Variants in NUBPL observed in about 807,000 individuals in gnomAD.
NUBPL encodes the protein iron-sulfur cluster transfer protein NUBPL.
In NUBPL, 31 loss-of-function variants were observed where a neutral mutation model predicts 45.7. That is an observed-to-expected ratio of 0.68 (90% confidence interval 0.51 to 0.92). The LOEUF is 0.92. Ranked by LOEUF, NUBPL falls within the 40% of genes least tolerant of loss-of-function variation. The pLI, the probability that NUBPL is intolerant of heterozygous loss-of-function variation, is 0.00. For missense variants in NUBPL, 401 were observed against 398.7 expected, an observed-to-expected ratio of 1.01 and a Z score of -0.05; for synonymous variants, 144 against 140.9, an observed-to-expected ratio of 1.02 and a Z score of -0.15.
At chr14:31,734,845 T>G (rs1486752209) in intron 6 of NUBPL, among the ~76,000 whole-genome samples, 1 of 152,208 alleles carries the variant, frequency 6.6e-6, no homozygotes, top group African/African-American at 2.4e-5. Context: ...CTACTCCTCT[T>G]CTGTGAATCC....
Position 31,826,672 on chromosome 14 carries a change from T to A in NUBPL, c.651T>A (p.Asp217Glu), listed in dbSNP as rs1330997782. 1.2e-6 allele frequency: 2 copies of A among 1,614,180 alleles called. No individual in the cohort carries two copies. Among genetic ancestry groups the A allele is most frequent in the South Asian group, 2.2e-5 (2 of 91,084 alleles). Residue 217 changes from aspartate (D) to glutamate (E), a missense_variant, in exon 8 of 11, where the codon GAT becomes GAA. By Grantham distance (45) the Asp-to-Glu change is conservative. Coordinates refer to ENST00000281081, the MANE Select transcript of NUBPL (RefSeq NM_025152.3). The part of the protein sequence containing the change: ...VSTPQDIALM[D>E]AHKGAEMFRR... ...CGCCCCAGGACATCGCATTGATGGA[T>A]GCACACAAGGGTGCTGAGATGTTTC...
At chr14:31,652,830 G>T (rs1396599326) in intron 4 of NUBPL, among the ~76,000 whole-genome samples, 1 of 152,144 alleles carries the variant, frequency 6.6e-6, no homozygotes, top group African/African-American at 2.4e-5. Flanking sequence ...TAGTGATTGT[G>T]TATCGGGGGA....
intron 4 of NUBPL, among the ~76,000 whole-genome samples, chr14:31,670,302 T>TC (rs1394247987): frequency 6.6e-6 from 1 of 152,122 alleles, no homozygotes; most frequent in Admixed American, 6.5e-5. Flanking sequence ...TCTTTTCATG[T>TC]CCTTTGCCCA....
At chr14:31,802,144 A>C (rs2039602814) in intron 7 of NUBPL, among the ~76,000 whole-genome samples, 1 of 152,234 alleles carries the variant, frequency 6.6e-6, no homozygotes. Flanking sequence ...GGAATGAGTT[A>C]ATTCTCAAGG....
intron 7 of NUBPL, among the ~76,000 whole-genome samples, chr14:31,793,951 A>T (rs1243886283): frequency 1.1e-5 from 1 of 94,934 alleles, no homozygotes; most frequent in Non-Finnish European, 1.9e-5. Flanking sequence ...TCATTGTTCA[A>T]TTCCCACCTA....
At chr14:31,803,919 C>T (rs556680507) in intron 7 of NUBPL, among the ~76,000 whole-genome samples, 1 of 152,014 alleles carries the variant, frequency 6.6e-6, no homozygotes, top group African/African-American at 2.4e-5. Context: ...TTTTCTTTTC[C>T]TCCTTCCTTT....
At chr14:31,607,114 CT>C (rs2034621553) in intron 4 of NUBPL, among the ~76,000 whole-genome samples, 2 of 152,162 alleles carry the variant, frequency 1.3e-5, no homozygotes, top group South Asian at 4.1e-4. Context: ...GGCACAGTGG[CT>C]CACGACTGTA....
chr14:31,655,741 G>A (rs1223099765), intron 4 of NUBPL, among the ~76,000 whole-genome samples: 3 of 152,144 alleles, frequency 2.0e-5, no homozygotes, highest in Admixed American at 1.3e-4. Flanking sequence ...GCCATGCTGT[G>A]CTGTCAGCCA....
intron 3 of NUBPL, among the ~76,000 whole-genome samples, chr14:31,594,556 A>ATT (rs67341071): frequency 1.7e-4 from 25 of 150,066 alleles, no homozygotes; most frequent in East Asian, 1.2e-3. Flanking sequence ...TAGCCAGGTG[A>ATT]TTTTTTTTTT....
intron 7 of NUBPL, among the ~76,000 whole-genome samples, chr14:31,812,505 G>C (rs1229263311): frequency 6.6e-6 from 1 of 152,202 alleles, no homozygotes; most frequent in African/African-American, 2.4e-5. Context: ...ACAGTGTTTA[G>C]GTGGCAGTGT....
chr14:31,680,781 C>T (rs1433414363), intron 6 of NUBPL, among the ~76,000 whole-genome samples: 2 of 152,006 alleles, frequency 1.3e-5, no homozygotes, highest in Non-Finnish European at 2.9e-5. Flanking sequence ...AGTTATTATA[C>T]TGAATTGTTT....
At position 31,850,162 on chromosome 14, in the gene NUBPL, A is replaced by C; in HGVS notation, c.858A>C (p.Thr286=). 1 of 1,613,954 alleles carries C rather than the reference A, an allele frequency of 6.2e-7. No individual in the cohort carries two copies. Among genetic ancestry groups the C allele is most frequent in the Non-Finnish European group, 8.5e-7 (1 of 1,179,894 alleles). Residue 286 remains threonine, a synonymous_variant, in exon 10 of 11, where the codon ACA becomes ACC. Transcript: ENST00000281081. ...LHLNIREASD[T]GQPIVFSQPE... ...TTAATATAAGGGAAGCTTCAGATACAGGCCAGCCAATTGTGTTTTCACAGC... is the reference window on the plus strand; with the variant it reads ...TTAATATAAGGGAAGCTTCAGATACCGGCCAGCCAATTGTGTTTTCACAGC...
intron 4 of NUBPL, among the ~76,000 whole-genome samples, chr14:31,651,894 G>T (rs939766602): frequency 9.0e-5 from 12 of 132,888 alleles, no homozygotes; most frequent in African/African-American, 4.1e-4. Context: ...GCGAGACTCT[G>T]TCTCAAAAAA....
rs560274677 is a variant in NUBPL at position 31,859,707 on chromosome 14, G to A, written c.*527G>A. On this transcript the variant is annotated 3_prime_UTR_variant, in exon 11 of 11. Coordinates refer to ENST00000281081, the MANE Select transcript of NUBPL (RefSeq NM_025152.3). ...ATGAATTTCAGTCTCCAGGAGTGGA[G>A]CCTGAACATATGTATTTTTAGTAAG... 2.0e-4 allele frequency: 32 copies of A among 162,816 alleles called. 1 individual carries two copies. In the South Asian group the frequency reaches 4.6e-3, roughly 23 times the overall value. 10.1% of individuals were successfully genotyped at this position (162,816 alleles called of 1,614,324 possible). A position where few individuals can be genotyped will look rare whatever the true frequency, so the allele number is the denominator to read the frequency against.
chr14:31,651,419 T>C (rs911191392), intron 4 of NUBPL, among the ~76,000 whole-genome samples: 1 of 145,408 alleles, frequency 6.9e-6, no homozygotes, highest in Admixed American at 6.9e-5. Flanking sequence ...TTATCTTAGG[T>C]TTTTTAGCAT....
intron 6 of NUBPL, among the ~76,000 whole-genome samples, chr14:31,694,083 C>G (rs567798147): frequency 2.0e-5 from 3 of 152,018 alleles, no homozygotes; most frequent in Non-Finnish European, 4.4e-5. Context: ...TCTTGATCTC[C>G]TGACCTCGTG....
At position 31,783,129 on chromosome 14, in the gene NUBPL, A is replaced by G. The variant is rs115507954; in HGVS notation, c.514-4651A>G. Among the ~76,000 whole-genome samples, 1,054 of 152,316 alleles carry G rather than the reference A, an allele frequency of 6.9e-3. 14 individuals are homozygous for G. The highest frequency in any genetic ancestry group is 0.024 in the African/African-American group (988 of 41,570). The stretch of plus-strand genomic sequence containing the variant: ...GAGACAGAAGGAAATGCTCAAATCC[A>G]TCTCCCTGAACTGGGGGCTGGTCAG... On this transcript the variant is annotated intron_variant, in intron 6 of 10. Coordinates refer to ENST00000281081, the MANE Select transcript of NUBPL (RefSeq NM_025152.3).
At chr14:31,768,006 G>A (rs1285479779) in intron 6 of NUBPL, among the ~76,000 whole-genome samples, 1 of 152,134 alleles carries the variant, frequency 6.6e-6, no homozygotes, top group Non-Finnish European at 1.5e-5. Flanking sequence ...AAGTTTGTTG[G>A]ATCTGCATTT....
intron 6 of NUBPL, among the ~76,000 whole-genome samples, chr14:31,720,566 T>C (rs2037786079): frequency 6.6e-6 from 1 of 152,192 alleles, no homozygotes; most frequent in Non-Finnish European, 1.5e-5. Flanking sequence ...GTGTACTTTG[T>C]TTCTTTTCCA....
Sources: gnomAD v4.1 joint callset for allele counts (sites outside exome capture counted in the v4.1 genomes callset) on GRCh38, gnomAD v4.1.1 for gene constraint, MANE v1.5 for transcripts, NCBI Gene and HGNC (gene_info 2026-07-23, HGNC 2026-07-21) for gene names.